Variants in FER observed in about 807,000 individuals in gnomAD.
The protein encoded by FER is FER tyrosine kinase.
A neutral mutation model predicts 111.0 loss-of-function variants in FER; 63 were observed. The ratio of observed to expected loss-of-function variants is 0.57; its 90% CI spans 0.46 to 0.70. The LOEUF is 0.70. Ranked by LOEUF, FER falls within the 30% of genes least tolerant of loss-of-function variation. FER has a pLI of 0.00. For missense variants in FER, 914 were observed against 954.0 expected (o/e 0.96, Z 0.55); for synonymous variants, 327 against 313.9 (o/e 1.04, Z -0.44).
intron 16 of FER, among the ~76,000 whole-genome samples, chr5:109,093,512 TAGTA>T (rs1747082224): frequency 6.6e-6 from 1 of 152,164 alleles, no homozygotes; most frequent in African/African-American, 2.4e-5. Context: ...ATTATTTAAA[TAGTA>T]AGATTGTATG....
chr5:109,082,911 C>T (rs897789128), intron 16 of FER, among the ~76,000 whole-genome samples: 2 of 151,888 alleles, frequency 1.3e-5, no homozygotes, highest in Non-Finnish European at 2.9e-5. Flanking sequence ...ATCAAAAGAA[C>T]CCCCTTTACA....
At chr5:108,977,471 A>G (rs1046394118) in intron 13 of FER, among the ~76,000 whole-genome samples, 1 of 152,172 alleles carries the variant, frequency 6.6e-6, no homozygotes, top group Non-Finnish European at 1.5e-5. Flanking sequence ...TTTAATTTAA[A>G]AAGTCCATGT....
At chr5:108,939,096 AG>A (rs1407278835) in intron 10 of FER, among the ~76,000 whole-genome samples, 1 of 152,018 alleles carries the variant, frequency 6.6e-6, no homozygotes, top group Non-Finnish European at 1.5e-5. Flanking sequence ...CATTTAAACT[AG>A]GGTTTTTCCA....
At chr5:109,067,261 T>TTGTTGC (rs1480285870) in intron 16 of FER, among the ~76,000 whole-genome samples, 1 of 150,404 alleles carries the variant, frequency 6.6e-6, no homozygotes, top group African/African-American at 2.4e-5. Context: ...GTTGTTGTTG[T>TTGTTGC]TGCTGTTGCT....
chr5:109,067,833 G>A (rs1429601785), intron 16 of FER, among the ~76,000 whole-genome samples: 1 of 152,052 alleles, frequency 6.6e-6, no homozygotes, highest in Non-Finnish European at 1.5e-5. Context: ...GGTAGCATTC[G>A]ATTTGAACTC....
At chr5:108,887,376 C>T (rs1467307577) in intron 9 of FER, among the ~76,000 whole-genome samples, 2 of 151,264 alleles carry the variant, frequency 1.3e-5, no homozygotes, top group Non-Finnish European at 3.0e-5. Context: ...GGCTTTGATT[C>T]CTATAATTGA....
chr5:109,164,882 T>A (rs1457391632), intron 17 of FER, among the ~76,000 whole-genome samples: 2 of 152,188 alleles, frequency 1.3e-5, no homozygotes, highest in African/African-American at 4.8e-5. Context: ...AAATTTTGTC[T>A]CCATTTTTTA....
At chr5:108,756,965 G>A (rs1751188994) in intron 1 of FER, among the ~76,000 whole-genome samples, 1 of 152,224 alleles carries the variant, frequency 6.6e-6, no homozygotes, top group East Asian at 1.9e-4. Flanking sequence ...ATGCACTTTT[G>A]TACATTTCTT....
chr5:108,798,142 G>T lies in FER; in HGVS notation c.-41G>T, dbSNP rs769691188. 2 of 1,470,970 alleles carry T rather than the reference G, an allele frequency of 1.4e-6. No individual in the cohort carries two copies. Among genetic ancestry groups the T allele is most frequent in the Non-Finnish European group, 9.5e-7 (1 of 1,051,916 alleles). The allele number at this position is 1,470,970 out of a possible 1,614,324, so 91.1% of individuals were successfully genotyped here. ...TACACAGATATGTGCTGATTAGAAG[G>T]CTCACTTGTGCAGTGTGGAGGATAA... On this transcript the variant is annotated 5_prime_UTR_variant, in exon 3 of 20. Transcript: ENST00000281092.
chr5:108,840,669 T>A (rs1288354332), intron 5 of FER, among the ~76,000 whole-genome samples: 1 of 152,172 alleles, frequency 6.6e-6, no homozygotes, highest in Non-Finnish European at 1.5e-5. Context: ...TTCTAGAGGC[T>A]TGATTAGATT....
chr5:109,127,862 A>G (rs776900213), intron 17 of FER, among the ~76,000 whole-genome samples: 1 of 152,160 alleles, frequency 6.6e-6, no homozygotes, highest in Non-Finnish European at 1.5e-5. Context: ...AAATCAATGT[A>G]TGTGTTCTGT....
chr5:109,027,628 G>A (rs1768942689), intron 13 of FER, among the ~76,000 whole-genome samples: 1 of 152,026 alleles, frequency 6.6e-6, no homozygotes, highest in Admixed American at 6.6e-5. Flanking sequence ...AGGAAGAAAT[G>A]GCACAACCAT....
chr5:108,761,905 AATTATT>A (rs933345323), intron 1 of FER, among the ~76,000 whole-genome samples: 1 of 151,668 alleles, frequency 6.6e-6, no homozygotes, highest in Non-Finnish European at 1.5e-5. Context: ...TTTCTAGTAT[AATTATT>A]ATTATTATTA....
chr5:108,827,485 C>T (rs564494128), intron 3 of FER, among the ~76,000 whole-genome samples: 3 of 152,278 alleles, frequency 2.0e-5, no homozygotes, highest in South Asian at 2.1e-4. Flanking sequence ...TCAAAGTTCT[C>T]ATAAGTTATT....
chr5:108,849,190 T>C (rs1762309958), intron 5 of FER, among the ~76,000 whole-genome samples: 1 of 152,148 alleles, frequency 6.6e-6, no homozygotes, highest in African/African-American at 2.4e-5. Flanking sequence ...TTTTTAGTTT[T>C]CATCAAATTT....
At chr5:109,040,587 T>G (rs1437070490) in intron 14 of FER, among the ~76,000 whole-genome samples, 6 of 152,050 alleles carry the variant, frequency 3.9e-5, no homozygotes, top group African/African-American at 1.4e-4. Context: ...TGAAAGCCAG[T>G]TTGGAATGGA....
At chr5:108,907,230 T>A (rs1163534728) in intron 10 of FER, among the ~76,000 whole-genome samples, 1 of 152,124 alleles carries the variant, frequency 6.6e-6, no homozygotes, top group African/African-American at 2.4e-5. Flanking sequence ...CTTTTTTTTG[T>A]CTCTTCCACC....
rs1760238181 is a variant in FER, at chr5:108,833,265, T to C, written c.381+322T>C. Among the ~76,000 whole-genome samples the C allele has an allele frequency of 2.6e-5, 4 of 152,176 alleles. No individual in the cohort carries two copies. In the South Asian group the frequency reaches 8.3e-4, roughly 31 times the overall value. ...AAATAAATTTGTCTTATCTAATACT[T>C]TGCATAAATAAAAAAGAAAATACAG... On this transcript the variant is annotated intron_variant, in intron 4 of 19. Transcript: ENST00000281092.
At chr5:108,833,640 C>T (rs540612577) in intron 4 of FER, among the ~76,000 whole-genome samples, 10 of 151,952 alleles carry the variant, frequency 6.6e-5, no homozygotes, top group Non-Finnish European at 1.3e-4. Context: ...TTTGGGAGGC[C>T]GAGGAAGGCG....
Sources: allele counts gnomAD v4.1 joint callset (sites outside exome capture counted in the v4.1 genomes callset), GRCh38; gene constraint gnomAD v4.1.1; transcripts MANE v1.5; gene names NCBI Gene and HGNC (gene_info 2026-07-23, HGNC 2026-07-21).